HTR3B: variants seen among roughly 807,000 people sequenced by gnomAD.
The protein encoded by HTR3B is 5-hydroxytryptamine receptor 3B.
HTR3B carries 44 observed loss-of-function variants against 42.8 expected under a neutral mutation model. The observed-to-expected ratio is 1.03, with a 90% CI of 0.81 to 1.32. The LOEUF (loss-of-function observed/expected upper bound fraction) is 1.32. HTR3B is among the 40% of genes most tolerant of loss of function. The pLI is 0.00. For missense variants in HTR3B, 527 were observed against 536.5 expected (o/e 0.98, Z 0.17); for synonymous variants, 203 against 209.0 (o/e 0.97, Z 0.25).
At chr11:113,906,081 T>A (rs1949731091) in intron 1 of HTR3B, among the ~76,000 whole-genome samples, 1 of 152,154 alleles carries the variant, frequency 6.6e-6, no homozygotes, top group Admixed American at 6.5e-5. Context: ...ACAATATCTC[T>A]CTAATGTTTT....
intron 6 of HTR3B, among the ~76,000 whole-genome samples, chr11:113,940,764 A>G (rs1265555629): frequency 6.6e-6 from 1 of 152,172 alleles, no homozygotes; most frequent in African/African-American, 2.4e-5. Context: ...CATCTCCCCC[A>G]GCCAAGCTCT....
chr11:113,938,323 C>T (rs1411528539), intron 6 of HTR3B, among the ~76,000 whole-genome samples: 2 of 152,116 alleles, frequency 1.3e-5, no homozygotes, highest in Non-Finnish European at 2.9e-5. Flanking sequence ...AAGTTTAACC[C>T]AGCATCATTC....
intron 2 of HTR3B, 57 bp downstream of exon 2, chr11:113,909,512 G>C: frequency 1.4e-6 from 2 of 1,408,066 alleles, no homozygotes; most frequent in Non-Finnish European, 2.0e-6. Flanking sequence ...ACAGTCTGCA[G>C]TTCATGCAGG....
At position 113,944,703 on chromosome 11, in the gene HTR3B, C is replaced by T. The variant is rs759130649; in HGVS notation, c.1038C>T (p.Thr346=). The change falls in exon 8 of 9, where the codon ACC becomes ACT. Residue 346 remains threonine (T), a synonymous_variant. Coordinates refer to ENST00000260191, the MANE Select transcript of HTR3B (RefSeq NM_006028.5). The part of the protein sequence containing the change: ...EQPFLCLRGD[T]DADRPRVEPR... ...CCTTCTTGTGCCTTCGAGGGGACACCGATGCTGACAGGCCTAGAGTGGAAC... is the reference window on the plus strand; with the variant it reads ...CCTTCTTGTGCCTTCGAGGGGACACTGATGCTGACAGGCCTAGAGTGGAAC... The T allele has an allele frequency of 7.4e-6, 12 of 1,613,968 alleles. No individual in the cohort carries two copies. The highest frequency in any genetic ancestry group is 1.6e-4 in the Middle Eastern group (1 of 6,084).
chr11:113,947,288 G>T lies in HTR3B; in HGVS notation c.*1151G>T, dbSNP rs2137545103. On this transcript the variant is annotated 3_prime_UTR_variant, in exon 9 of 9. Transcript: ENST00000260191. ...CCAGCTAATTTTCTGTATTTTAGTAGCAGGTGCCAAGGCTTCTAAGCCCAG... is the reference window on the plus strand; with the variant it reads ...CCAGCTAATTTTCTGTATTTTAGTATCAGGTGCCAAGGCTTCTAAGCCCAG... 6.6e-6 allele frequency among the ~76,000 whole-genome samples: 1 copy of T among 152,008 alleles called. No individual in the cohort carries two copies. The highest frequency in any genetic ancestry group is 1.5e-5 in the Non-Finnish European group (1 of 67,974).
Position 113,947,888 on chromosome 11 carries a change from C to T in HTR3B, c.*1751C>T, listed in dbSNP as rs1402103448. Among the ~76,000 whole-genome samples the T allele has an allele frequency of 6.6e-6, 1 of 152,152 alleles. No homozygotes were observed. Among genetic ancestry groups the T allele is most frequent in the Non-Finnish European group, 1.5e-5 (1 of 68,022 alleles). On this transcript the variant is annotated 3_prime_UTR_variant, in exon 9 of 9. Coordinates refer to ENST00000260191, the MANE Select transcript of HTR3B (RefSeq NM_006028.5). ...GGCAGGCTGGAGACCTGCTGACAGT[C>T]TTAACGCTGTCAGTAGAAGACACAA...
At chr11:113,908,337 C>T (rs1007871683) in intron 1 of HTR3B, among the ~76,000 whole-genome samples, 6 of 152,132 alleles carry the variant, frequency 3.9e-5, no homozygotes, top group Non-Finnish European at 8.8e-5. Context: ...TCCCTCATAC[C>T]TTTGGCAGCT....
chr11:113,936,551 G>C (rs988226406), intron 6 of HTR3B, among the ~76,000 whole-genome samples: 1 of 152,136 alleles, frequency 6.6e-6, no homozygotes, highest in Non-Finnish European at 1.5e-5. Flanking sequence ...TCATATGAGA[G>C]AGAGAGAGAG....
the HTR3B span, among the ~76,000 whole-genome samples, chr11:113,899,674 G>A: frequency 3.3e-5 from 5 of 152,146 alleles, no homozygotes; most frequent in Middle Eastern, 3.2e-3. Flanking sequence ...CTTAAAGGAC[G>A]CATAACTCAG....
upstream of HTR3B, among the ~76,000 whole-genome samples, chr11:113,900,702 A>AG (rs1949691714): frequency 1.3e-5 from 2 of 152,250 alleles, no homozygotes; most frequent in Admixed American, 1.3e-4. Context: ...CATGTTGGTC[A>AG]GGCTGGTCTC....
intron 2 of HTR3B, among the ~76,000 whole-genome samples, chr11:113,918,803 T>C (rs1949882891): frequency 6.6e-6 from 1 of 152,050 alleles, no homozygotes; most frequent in East Asian, 1.9e-4. Flanking sequence ...ATTACAGGCA[T>C]GCGCCACCAC....
intron 2 of HTR3B, among the ~76,000 whole-genome samples, chr11:113,912,938 A>G (rs1034679131): frequency 1.3e-5 from 2 of 150,490 alleles, no homozygotes; most frequent in African/African-American, 4.9e-5. Context: ...AGCTATTTAT[A>G]CATTCTGGGC....
In HTR3B at chr11:113,904,845, G is replaced by A. The variant is rs879002337; in HGVS notation, c.-89G>A. On this transcript the variant is annotated 5_prime_UTR_variant, in exon 1 of 9. Transcript: ENST00000260191. ...TGGCAAACGGAGAAGGAGGAGAACA[G>A]AGTGGAGAGGAACCCTGTTAGGAGA... 1.4e-5 allele frequency: 14 copies of A among 1,004,146 alleles called. No individual in the cohort carries two copies. Among genetic ancestry groups the A allele is most frequent in the Middle Eastern group, 4.1e-4 (2 of 4,874 alleles). 62.2% of individuals were successfully genotyped at this position (1,004,146 alleles called of 1,614,324 possible).
intron 2 of HTR3B, among the ~76,000 whole-genome samples, chr11:113,923,295 C>T (rs1010726186): frequency 6.6e-5 from 10 of 152,166 alleles, no homozygotes; most frequent in African/African-American, 2.2e-4. Context: ...GCTTTCAGCC[C>T]AGCACCTCGC....
intron 2 of HTR3B, among the ~76,000 whole-genome samples, chr11:113,918,748 C>G (rs1055014932): frequency 6.0e-5 from 9 of 151,188 alleles, no homozygotes; most frequent in African/African-American, 1.9e-4. Context: ...CCTCCACGTT[C>G]TGGGTTTAAG....
At chr11:113,924,197 G>A (rs1321605336) in intron 2 of HTR3B, among the ~76,000 whole-genome samples, 2 of 152,128 alleles carry the variant, frequency 1.3e-5, no homozygotes, top group Non-Finnish European at 2.9e-5. Flanking sequence ...GATATAAACT[G>A]CATTTTGAAC....
intron 1 of HTR3B, among the ~76,000 whole-genome samples, chr11:113,906,630 C>T (rs937798237): frequency 6.6e-6 from 1 of 152,122 alleles, no homozygotes; most frequent in African/African-American, 2.4e-5. Context: ...TCCTGATATT[C>T]TCAGGGAGCC....
intron 7 of HTR3B, among the ~76,000 whole-genome samples, chr11:113,943,478 C>G (rs1275535206): frequency 6.6e-6 from 1 of 152,088 alleles, no homozygotes; most frequent in Non-Finnish European, 1.5e-5. Context: ...GGATTATAGG[C>G]ACACACCACT....
chr11:113,934,414 GA>G (rs1226150769), intron 6 of HTR3B, among the ~76,000 whole-genome samples: 8 of 143,612 alleles, frequency 5.6e-5, no homozygotes, highest in African/African-American at 2.1e-4. Context: ...AAGAAAAAAA[GA>G]AAGAAAGAAA....
Sources: gnomAD v4.1 joint callset for allele counts (sites outside exome capture counted in the v4.1 genomes callset) on GRCh38, gnomAD v4.1.1 for gene constraint, MANE v1.5 for transcripts, NCBI Gene and HGNC (gene_info 2026-07-23, HGNC 2026-07-21) for gene names.